STK32C: variants seen among roughly 807,000 people sequenced by gnomAD.
STK32C encodes serine/threonine-protein kinase 32C.
STK32C carries 31 observed loss-of-function variants against 56.5 expected under a neutral mutation model. The ratio of observed to expected loss-of-function variants is 0.55; its 90% CI spans 0.41 to 0.74. The LOEUF (loss-of-function observed/expected upper bound fraction) is 0.74, where lower values mean the gene tolerates loss of function less well. Ranked by LOEUF, STK32C falls within the 30% of genes least tolerant of loss-of-function variation. The pLI, the probability that STK32C is intolerant of heterozygous loss-of-function variation, is 0.00. For missense variants in STK32C, 544 were observed against 676.9 expected, an observed-to-expected ratio of 0.80 and a Z score of 2.18; for synonymous variants, 309 against 289.4, an observed-to-expected ratio of 1.07 and a Z score of -0.69.
intron 1 of STK32C, among the ~76,000 whole-genome samples, chr10:132,250,269 C>T (rs1176002271): frequency 7.7e-6 from 1 of 130,040 alleles, no homozygotes; most frequent in Non-Finnish European, 1.6e-5. Context: ...GAGCCCCACC[C>T]CGAGGGCAGG....
chr10:132,230,679 C>CGGGGGGGGGGGGGGG (rs377544275), intron 2 of STK32C, among the ~76,000 whole-genome samples: 1 of 49,684 alleles, frequency 2.0e-5, no homozygotes, highest in South Asian at 8.5e-4. Context: ...GGGAAGCTGG[C>CGGGGGGGGGGGGGGG]GGGGGGGGGG....
intron 1 of STK32C, among the ~76,000 whole-genome samples, chr10:132,324,802 G>A (rs1019161548): frequency 2.0e-5 from 3 of 152,168 alleles, no homozygotes; most frequent in African/African-American, 7.2e-5. Flanking sequence ...CATTTTAGGG[G>A]AACATAAGAC....
chr10:132,245,238 G>A (rs1413259890), intron 2 of STK32C, among the ~76,000 whole-genome samples: 1 of 152,166 alleles, frequency 6.6e-6, no homozygotes, highest in Non-Finnish European at 1.5e-5. Flanking sequence ...TAAGCCTCCC[G>A]GGACAGCTGA....
intron 1 of STK32C, among the ~76,000 whole-genome samples, chr10:132,279,304 C>T (rs2138211311): frequency 6.6e-6 from 1 of 152,286 alleles, no homozygotes; most frequent in African/African-American, 2.4e-5. Flanking sequence ...AACACGGACT[C>T]TCGTGCAGAC....
In STK32C at chr10:132,307,681, G is replaced by T; in HGVS notation, c.153C>A (p.Val51=). The T allele has an allele frequency of 6.6e-7, 1 of 1,517,434 alleles. No individual in the cohort carries two copies. 94.0% of individuals were successfully genotyped at this position (1,517,434 alleles called of 1,614,324 possible). A position where few individuals can be genotyped will look rare whatever the true frequency, so the allele number is the denominator to read the frequency against. Residue 51 remains valine, a synonymous_variant, in exon 1 of 12, where the codon GTC becomes GTA. Coordinates refer to ENST00000298630, the MANE Select transcript of STK32C (RefSeq NM_173575.4). This position sits in a 1 kb window ranked among gnomAD's most constrained non-coding sequence, Gnocchi z 4.4. ...GQPRARDSGD[V]RSQPRPLFQW... is the part of the protein sequence containing the mutation. ...GAAACAGGGGGCGCGGCTGCGAGCG[G>T]ACATCGCCCGAGTCCCGGGCCCGGG...
intron 2 of STK32C, among the ~76,000 whole-genome samples, chr10:132,242,907 C>T (rs942340799): frequency 1.1e-4 from 16 of 152,176 alleles, no homozygotes; most frequent in Non-Finnish European, 1.8e-4. Flanking sequence ...AACAGGAAAA[C>T]GCTGTACCCC....
intron 1 of STK32C, among the ~76,000 whole-genome samples, chr10:132,260,571 A>G (rs1282313854): frequency 6.6e-6 from 1 of 151,914 alleles, no homozygotes; most frequent in East Asian, 1.9e-4. Context: ...CCAGACCCTC[A>G]CCTTCGGACT....
chr10:132,321,581 G>C (rs1312450900), downstream of STK32C, among the ~76,000 whole-genome samples: 1 of 152,168 alleles, frequency 6.6e-6, no homozygotes, highest in African/African-American at 2.4e-5. Flanking sequence ...TATAATCCCA[G>C]CACTTTGGGA....
At chr10:132,299,872 G>T (rs2065863052) in intron 1 of STK32C, among the ~76,000 whole-genome samples, 1 of 152,254 alleles carries the variant, frequency 6.6e-6, no homozygotes, top group Non-Finnish European at 1.5e-5. Context: ...CTTTCCCACA[G>T]CGAACAGAGG....
At chr10:132,297,604 C>T (rs950306691) in intron 1 of STK32C, among the ~76,000 whole-genome samples, 1 of 152,194 alleles carries the variant, frequency 6.6e-6, no homozygotes, top group Admixed American at 6.5e-5. Flanking sequence ...TCTTTTCTGC[C>T]TTTGGAGATA....
At chr10:132,253,742 C>G (rs549709139) in intron 1 of STK32C, among the ~76,000 whole-genome samples, 148 of 152,356 alleles carry the variant, frequency 9.7e-4, no homozygotes, top group South Asian at 1.9e-3. Flanking sequence ...AACACCGGCT[C>G]GAGGCGAGAG....
intron 1 of STK32C, among the ~76,000 whole-genome samples, chr10:132,246,722 C>T (rs1368742426): frequency 2.0e-5 from 3 of 152,192 alleles, no homozygotes; most frequent in Non-Finnish European, 4.4e-5. Context: ...CTTTCCAGAC[C>T]GTCTGCACTT....
At chr10:132,252,399 C>T (rs148000627) in intron 1 of STK32C, among the ~76,000 whole-genome samples, 142 of 152,374 alleles carry the variant, frequency 9.3e-4, no homozygotes, top group African/African-American at 3.1e-3. Flanking sequence ...GGGCATGGGT[C>T]GTGATTACGG....
At chr10:132,231,462 A>G (rs996025532) in intron 2 of STK32C, among the ~76,000 whole-genome samples, 3 of 152,240 alleles carry the variant, frequency 2.0e-5, no homozygotes, top group Non-Finnish European at 4.4e-5. Context: ...AAAGCTTGCA[A>G]GTCTTCCTAT....
intron 1 of STK32C, among the ~76,000 whole-genome samples, chr10:132,284,585 A>T (rs1336207757): frequency 2.6e-5 from 4 of 152,192 alleles, no homozygotes; most frequent in African/African-American, 9.7e-5. Context: ...AGACGAACAG[A>T]GCTGCAGCCC....
intron 10 of STK32C, among the ~76,000 whole-genome samples, chr10:132,213,956 T>C (rs1176477932): frequency 6.6e-6 from 1 of 150,960 alleles, no homozygotes; most frequent in Admixed American, 6.6e-5. Flanking sequence ...CAGAAACTTC[T>C]CGAACTGAAA....
intron 1 of STK32C, among the ~76,000 whole-genome samples, chr10:132,325,688 CTCTT>C (rs2066484744): frequency 6.6e-6 from 1 of 151,896 alleles, no homozygotes. Flanking sequence ...CCAATGAAAC[CTCTT>C]TCTTTTGTAA....
intron 8 of STK32C, among the ~76,000 whole-genome samples, 192 bp downstream of exon 8, chr10:132,224,215 G>A (rs2062790675): frequency 6.6e-6 from 1 of 152,172 alleles, no homozygotes; most frequent in Non-Finnish European, 1.5e-5. Context: ...GGGCCACAGA[G>A]CCTGCCACCA....
intron 2 of STK32C, among the ~76,000 whole-genome samples, chr10:132,237,226 G>A (rs929074137): frequency 6.6e-6 from 1 of 152,196 alleles, no homozygotes; most frequent in Non-Finnish European, 1.5e-5. Context: ...TGGGCTCACA[G>A]GCTGGGCCCC....
Sources: gnomAD v4.1 joint callset for allele counts (sites outside exome capture counted in the v4.1 genomes callset) on GRCh38, gnomAD v4.1.1 for gene constraint, Gnocchi (gnomAD v3.1) non-coding constraint, MANE v1.5 for transcripts, NCBI Gene and HGNC (gene_info 2026-07-23, HGNC 2026-07-21) for gene names.